The following TBL1Y variants were observed in gnomAD, a reference collection of about 807,000 sequenced individuals.
TBL1Y encodes the protein F-box-like/WD repeat-containing protein TBL1Y.
In TBL1Y, 15 loss-of-function variants were observed where a neutral mutation model predicts 12.0. The ratio of observed to expected loss-of-function variants is 1.25; its 90% CI spans 0.83 to 1.92. The LOEUF (loss-of-function observed/expected upper bound fraction) is 1.92. TBL1Y is among the 40% of genes most tolerant of loss of function. The pLI, the probability that TBL1Y is intolerant of heterozygous loss-of-function variation, is 0.00. For synonymous variants in TBL1Y, 53 were observed against 42.6 expected, an observed-to-expected ratio of 1.24 and a Z score of -0.95; for missense variants, 148 against 116.7, an observed-to-expected ratio of 1.27 and a Z score of -1.24.
chrY:7,045,545 G>A (rs754669155), intron 7 of TBL1Y, among the ~76,000 whole-genome samples: 15 of 33,652 alleles, frequency 4.5e-4, no homozygotes, highest in African/African-American at 1.7e-3. Context: ...GGGACCAATG[G>A]TCTTTTTTCT....
At chrY:7,085,246 C>T (rs2013121817) in intron 14 of TBL1Y, among the ~76,000 whole-genome samples, 1 of 30,969 alleles carries the variant, frequency 3.2e-5, no homozygotes, top group Non-Finnish European at 7.8e-5. Context: ...GTGGTGGTGC[C>T]TGCCTCTCAT....
At chrY:7,061,886 T>C in intron 7 of TBL1Y, among the ~76,000 whole-genome samples, 1 of 28,289 alleles carries the variant, frequency 3.5e-5, no homozygotes. Flanking sequence ...GGTACCTCTT[T>C]CAAAGGGAAG....
intron 8 of TBL1Y, among the ~76,000 whole-genome samples, chrY:7,064,810 G>A (rs1005238407): frequency 6.0e-5 from 2 of 33,505 alleles, no homozygotes; most frequent in Non-Finnish European, 1.5e-4. Context: ...GTGCACCAGT[G>A]AACAAATTCT....
chrY:7,014,013 T>A, intron 4 of TBL1Y, among the ~76,000 whole-genome samples: 2 of 33,750 alleles, frequency 5.9e-5, no homozygotes, highest in East Asian at 1.6e-3. Flanking sequence ...AATGCTGTAA[T>A]GAGTTGACTT....
At chrY:6,972,305 C>G (rs2124123220) in intron 2 of TBL1Y, among the ~76,000 whole-genome samples, 1 of 33,223 alleles carries the variant, frequency 3.0e-5, no homozygotes, top group African/African-American at 1.2e-4. Flanking sequence ...ACCACTCACC[C>G]TGTCCTGACA....
intron 14 of TBL1Y, among the ~76,000 whole-genome samples, chrY:7,085,503 T>TA (rs2013124098): frequency 6.2e-4 from 18 of 29,065 alleles, no homozygotes; most frequent in African/African-American, 2.4e-3. Context: ...CCTCAAAAGT[T>TA]AAAAAAAAAG....
chrY:7,050,359 A>G, intron 7 of TBL1Y, among the ~76,000 whole-genome samples: 1 of 30,811 alleles, frequency 3.2e-5, no homozygotes, highest in Non-Finnish European at 7.8e-5. Context: ...GCTGCACATG[A>G]TGGCGCATGC....
At chrY:7,061,536 CCTCTCTCTTT>C (rs2012866609) in intron 7 of TBL1Y, among the ~76,000 whole-genome samples, 7 of 31,990 alleles carry the variant, frequency 2.2e-4, no homozygotes, top group Non-Finnish European at 4.6e-4. Flanking sequence ...TCTGTCTCTT[CCTCTCTCTTT>C]CTCTCTCTCT....
At chrY:6,984,279 G>T in intron 3 of TBL1Y, among the ~76,000 whole-genome samples, 1 of 33,101 alleles carries the variant, frequency 3.0e-5, no homozygotes, top group Non-Finnish European at 7.4e-5. Flanking sequence ...GGCCTGTACT[G>T]GTTGGGTGCG....
chrY:6,934,973 A>C, intron 2 of TBL1Y, among the ~76,000 whole-genome samples: 1 of 32,571 alleles, frequency 3.1e-5, no homozygotes, highest in Non-Finnish European at 7.5e-5. Context: ...TCAGCCTCCC[A>C]AGTAGCTGGG....
At chrY:6,913,692 C>T (rs1439328183) in intron 2 of TBL1Y, among the ~76,000 whole-genome samples, 1 of 31,234 alleles carries the variant, frequency 3.2e-5, no homozygotes, top group Non-Finnish European at 7.6e-5. Flanking sequence ...TGTTACTTTG[C>T]TTTTCTATCT....
intron 3 of TBL1Y, among the ~76,000 whole-genome samples, chrY:6,980,554 A>G: frequency 3.0e-5 from 1 of 33,378 alleles, no homozygotes; most frequent in Non-Finnish European, 7.4e-5. Context: ...GTAGCTCCCC[A>G]AAGTGGAAAT....
intron 6 of TBL1Y, among the ~76,000 whole-genome samples, chrY:7,030,511 G>C (rs778386315): frequency 6.0e-5 from 2 of 33,362 alleles, no homozygotes; most frequent in Admixed American, 5.5e-4. Context: ...CTGGTGGGTA[G>C]ACTCCAGAAT....
intron 3 of TBL1Y, among the ~76,000 whole-genome samples, chrY:6,984,381 G>A (rs1468415892): frequency 9.0e-5 from 3 of 33,168 alleles, no homozygotes; most frequent in Non-Finnish European, 2.2e-4. Context: ...AGCCTATGAG[G>A]GTTAATGTCT....
At chrY:7,027,543 A>G in intron 6 of TBL1Y, among the ~76,000 whole-genome samples, 1 of 32,132 alleles carries the variant, frequency 3.1e-5, no homozygotes, top group Non-Finnish European at 7.6e-5. Flanking sequence ...TTAGCCGGGC[A>G]TGGTGGCACG....
intron 2 of TBL1Y, among the ~76,000 whole-genome samples, chrY:6,916,867 T>C: frequency 2.9e-5 from 1 of 34,372 alleles, no homozygotes; most frequent in Admixed American, 2.6e-4. Flanking sequence ...TTGGGACACT[T>C]TTTTCCGTCA....
At chrY:6,982,038 G>A (rs2012286167) in intron 3 of TBL1Y, among the ~76,000 whole-genome samples, 1 of 33,604 alleles carries the variant, frequency 3.0e-5, no homozygotes, top group African/African-American at 1.2e-4. Context: ...AAATGGGAAG[G>A]TCAGTACAGA....
intron 3 of TBL1Y, among the ~76,000 whole-genome samples, chrY:6,991,859 A>C: frequency 2.9e-5 from 1 of 34,342 alleles, no homozygotes; most frequent in Non-Finnish European, 7.3e-5. Context: ...GAAATGGAGA[A>C]GGGAAAGAAT....
chrY:6,924,615 A>G (rs758882131), intron 2 of TBL1Y, among the ~76,000 whole-genome samples: 1 of 31,081 alleles, frequency 3.2e-5, no homozygotes, highest in East Asian at 8.4e-4. Context: ...AGAAAGAAAG[A>G]AAAGAAAAAG....
Sources: allele counts gnomAD v4.1 joint callset (sites outside exome capture counted in the v4.1 genomes callset), GRCh38; gene constraint gnomAD v4.1.1; transcripts MANE v1.5; gene names NCBI Gene and HGNC (gene_info 2026-07-23, HGNC 2026-07-21).